SRGAP1: variants seen among roughly 807,000 people sequenced by gnomAD.
SRGAP1 encodes the protein SLIT-ROBO Rho GTPase activating protein 1.
A neutral mutation model predicts 121.9 loss-of-function variants in SRGAP1; 43 were observed. That is an observed-to-expected ratio of 0.35 (90% CI 0.28 to 0.46). The LOEUF is 0.46. Ranked by LOEUF, SRGAP1 falls within the 20% of genes least tolerant of loss-of-function variation. SRGAP1 has a pLI of 1.00. For missense variants in SRGAP1, 1,102 were observed against 1,350.9 expected, an observed-to-expected ratio of 0.82 and a Z score of 2.89; for synonymous variants, 447 against 485.4, an observed-to-expected ratio of 0.92 and a Z score of 1.04.
At chr12:64,090,277 G>C (rs916415135) in intron 11 of SRGAP1, among the ~76,000 whole-genome samples, 14 of 152,232 alleles carry the variant, frequency 9.2e-5, no homozygotes, top group Non-Finnish European at 1.6e-4. Context: ...ATATGTCAGA[G>C]AGAATGGTTT....
intron 15 of SRGAP1, among the ~76,000 whole-genome samples, chr12:64,105,900 A>G (rs2036337492): frequency 1.3e-5 from 2 of 152,216 alleles, no homozygotes; most frequent in South Asian, 4.1e-4. Context: ...TTAAAGATGA[A>G]TAATATAGTA....
intron 8 of SRGAP1, among the ~76,000 whole-genome samples, chr12:64,075,888 C>T (rs2035728348): frequency 6.6e-6 from 1 of 150,486 alleles, no homozygotes; most frequent in Non-Finnish European, 1.5e-5. Flanking sequence ...GTACTAATTG[C>T]TACTGTTTCT....
chr12:64,049,624 G>C (rs890015729), intron 6 of SRGAP1, among the ~76,000 whole-genome samples: 1 of 152,112 alleles, frequency 6.6e-6, no homozygotes, highest in Non-Finnish European at 1.5e-5. Flanking sequence ...GATTTCGGTG[G>C]GGACACAGCC....
chr12:63,859,662 A>G (rs1899379867), intron 1 of SRGAP1, among the ~76,000 whole-genome samples: 2 of 152,174 alleles, frequency 1.3e-5, no homozygotes, highest in African/African-American at 4.8e-5. Context: ...TATAATATAA[A>G]CGCTATTACT....
intron 1 of SRGAP1, among the ~76,000 whole-genome samples, chr12:63,978,655 A>G (rs773030285): frequency 1.3e-5 from 2 of 149,284 alleles, no homozygotes; most frequent in Non-Finnish European, 3.0e-5. Flanking sequence ...CAATGCTGCT[A>G]TTGCACACAT....
chr12:64,017,174 C>T (rs557444608), intron 4 of SRGAP1, among the ~76,000 whole-genome samples, 162 bp downstream of exon 4: 88 of 152,222 alleles, frequency 5.8e-4, no homozygotes, highest in Admixed American at 2.6e-4. Context: ...TACATTCCTT[C>T]GCCACTCCAT....
At chr12:64,127,502 A>G (rs1032143670) in intron 19 of SRGAP1, 88 bp from the exon 20 acceptor site, 3 of 1,311,742 alleles carry the variant, frequency 2.3e-6, no homozygotes, top group Non-Finnish European at 3.1e-6. Context: ...AAATGCTATC[A>G]CGTAAATTTT....
intron 1 of SRGAP1, among the ~76,000 whole-genome samples, chr12:63,953,399 AT>A (rs34352334): frequency 0.41 from 47,308 of 114,580 alleles, 7,647 homozygotes; most frequent in South Asian, 0.45. Context: ...TTCTTGATTG[AT>A]TTTTTTTTTT....
intron 1 of SRGAP1, chr12:63,879,540 A>T (rs1321280531): frequency 6.6e-6 from 1 of 152,190 alleles, no homozygotes; most frequent in East Asian, 1.9e-4. Flanking sequence ...CAATAAACAC[A>T]TACATTTTCT....
intron 1 of SRGAP1, among the ~76,000 whole-genome samples, chr12:63,850,307 G>C (rs1162965429): frequency 6.6e-6 from 1 of 152,158 alleles, no homozygotes; most frequent in Non-Finnish European, 1.5e-5. Context: ...TTATAATACA[G>C]GGTAGTAAAT....
intron 1 of SRGAP1, among the ~76,000 whole-genome samples, chr12:63,974,806 A>G (rs548510651): frequency 7.2e-5 from 11 of 152,302 alleles, no homozygotes; most frequent in Admixed American, 6.5e-5. Context: ...CAGCCACCCT[A>G]AACTTCCTAG....
chr12:64,008,900 C>A (rs1446352776), intron 3 of SRGAP1, among the ~76,000 whole-genome samples: 1 of 152,126 alleles, frequency 6.6e-6, no homozygotes, highest in African/African-American at 2.4e-5. Context: ...GGGTTTCCTA[C>A]ACAATGTGGT....
chr12:64,087,410 T>C (rs1322669355), intron 11 of SRGAP1, among the ~76,000 whole-genome samples: 1 of 152,186 alleles, frequency 6.6e-6, no homozygotes, highest in Non-Finnish European at 1.5e-5. Flanking sequence ...AGTACAATTA[T>C]TTTCTGTTCC....
At chr12:64,062,802 A>G in intron 6 of SRGAP1, 115 bp from the exon 7 acceptor site, 1 of 702,450 alleles carries the variant, frequency 1.4e-6, no homozygotes, top group Non-Finnish European at 2.4e-6. Flanking sequence ...ATCCAATGTC[A>G]TGAAAGCTTA....
In SRGAP1 at chr12:63,934,849, C is replaced by A. The variant is rs573804696; in HGVS notation, c.68-49098C>A. On this transcript the variant is annotated intron_variant, in intron 1 of 21. Coordinates refer to ENST00000355086, the MANE Select transcript of SRGAP1 (RefSeq NM_020762.4). Reference sequence around the variant, plus strand: ...ATTTCCTGAAGAGGTTCTATAATATCCCTACCTCACCTCATTTTTTTTCCC... The same window carrying A: ...ATTTCCTGAAGAGGTTCTATAATATACCTACCTCACCTCATTTTTTTTCCC... Among the ~76,000 whole-genome samples the A allele has an allele frequency of 5.9e-5, 9 of 152,320 alleles. No homozygotes were observed. In the East Asian group the frequency reaches 1.7e-3, roughly 29 times the overall value.
intron 6 of SRGAP1, among the ~76,000 whole-genome samples, chr12:64,058,217 C>T (rs964300520): frequency 2.6e-5 from 4 of 152,148 alleles, no homozygotes; most frequent in Non-Finnish European, 5.9e-5. Context: ...TTTATCTGGA[C>T]GTAACCCCAC....
intron 4 of SRGAP1, among the ~76,000 whole-genome samples, chr12:64,024,038 T>G (rs17100009): frequency 0.042 from 6,371 of 152,234 alleles, 458 homozygotes; most frequent in African/African-American, 0.15. Context: ...CTCTCACACT[T>G]CATTCTATGA....
At chr12:63,892,652 TCTTTAAAGCTA>T (rs888072363) in intron 1 of SRGAP1, among the ~76,000 whole-genome samples, 1 of 152,158 alleles carries the variant, frequency 6.6e-6, no homozygotes, top group Non-Finnish European at 1.5e-5. Context: ...CATATGTAGC[TCTTTAAAGCTA>T]TAGCTTACTC....
At position 64,079,106 on chromosome 12, in the gene SRGAP1, T is replaced by G. The variant is rs768762999; in HGVS notation, c.1313T>G (p.Phe438Cys). The part of the protein sequence containing the change: ...RRANQQETEQ[F>C]YFMKLREYLE... ...GCCAACCAGCAGGAAACTGAACAGT[T>G]CTACTTCATGGTGTGCCCGCCACTT... is the stretch of plus-strand genomic sequence containing the variant. The change falls in exon 9 of 22, where the codon TTC becomes TGC. Residue 438 changes from phenylalanine (F) to cysteine (C), a missense_variant. Coordinates refer to ENST00000355086, the MANE Select transcript of SRGAP1 (RefSeq NM_020762.4). 6.2e-7 allele frequency: 1 copy of G among 1,613,148 alleles called. No individual in the cohort carries two copies. The highest frequency in any genetic ancestry group is 1.1e-5 in the South Asian group (1 of 91,026).
Sources: allele counts gnomAD v4.1 joint callset (sites outside exome capture counted in the v4.1 genomes callset), GRCh38; gene constraint gnomAD v4.1.1; transcripts MANE v1.5; gene names NCBI Gene and HGNC (gene_info 2026-07-23, HGNC 2026-07-21).